PAPSS1: variants seen among roughly 807,000 people sequenced by gnomAD.
The protein encoded by PAPSS1 is bifunctional 3'-phosphoadenosine 5'-phosphosulfate synthase 1.
Under a neutral mutation model 72.0 loss-of-function variants are expected in PAPSS1, and 50 were observed. The ratio of observed to expected loss-of-function variants is 0.69; its 90% CI spans 0.55 to 0.88. The LOEUF is 0.88. PAPSS1 is among the 40% of genes least tolerant of loss of function. PAPSS1 has a pLI of 0.00. For synonymous variants in PAPSS1, 261 were observed against 263.6 expected, an observed-to-expected ratio of 0.99 and a Z score of 0.09; for missense variants, 657 against 782.2, an observed-to-expected ratio of 0.84 and a Z score of 1.91.
chr4:107,694,237 T>C (rs1433139079), intron 2 of PAPSS1: 1 of 479,092 alleles, frequency 2.1e-6, no homozygotes, highest in Non-Finnish European at 3.7e-6. Flanking sequence ...ATTTTATTAT[T>C]TGTAGAGACA....
intron 9 of PAPSS1, 46 bp from the exon 10 acceptor site, chr4:107,645,116 A>C (rs564577557): frequency 7.2e-7 from 1 of 1,384,842 alleles, no homozygotes; most frequent in Non-Finnish European, 9.4e-7. Context: ...TTTCTAACAG[A>C]TTACTTTCCA....
At chr4:107,660,106 G>T in intron 5 of PAPSS1, 34 bp from the exon 6 acceptor site, 2 of 1,111,812 alleles carry the variant, frequency 1.8e-6, no homozygotes, top group Non-Finnish European at 2.6e-6. Context: ...TTAAATGTTT[G>T]ATTCAAGAAT....
intron 10 of PAPSS1, 111 bp downstream of exon 10, chr4:107,644,691 T>C: frequency 9.2e-6 from 9 of 977,862 alleles, no homozygotes; most frequent in Non-Finnish European, 1.3e-5. Context: ...GTATAACAAA[T>C]GTTTGGAACA....
intron 11 of PAPSS1, among the ~76,000 whole-genome samples, chr4:107,631,328 A>G (rs536628829): frequency 7.9e-4 from 121 of 152,356 alleles, no homozygotes; most frequent in African/African-American, 2.8e-3. Context: ...ACCAGAGTAA[A>G]CATCACTAAG....
rs755256155 is a variant in PAPSS1, at chr4:107,682,015, C to T, written c.669G>A (p.Arg223=). 2.0e-6 allele frequency: 3 copies of T among 1,473,576 alleles called. No homozygotes were observed. Among genetic ancestry groups the T allele is most frequent in the South Asian group, 1.2e-5 (1 of 85,530 alleles). The allele number at this position is 1,473,576 out of a possible 1,614,324, so 91.3% of individuals were successfully genotyped here. The change falls in exon 5 of 12, where the codon CGG becomes CGA. Residue 223 remains arginine (R), a splice_region_variant and synonymous_variant. Transcript: ENST00000265174. ...VQQVVELLQE[R]DIVPVDASYE... is the part of the protein sequence containing the mutation. ...GATTCCTTCTTTCATCCTCTCTTACCCGTTCCTGTAGAAGTTCCACAACTT... is the reference window on the plus strand; with the variant it reads ...GATTCCTTCTTTCATCCTCTCTTACTCGTTCCTGTAGAAGTTCCACAACTT...
chr4:107,679,026 G>T (rs1727733552), intron 5 of PAPSS1, among the ~76,000 whole-genome samples: 1 of 152,086 alleles, frequency 6.6e-6, no homozygotes, highest in Non-Finnish European at 1.5e-5. Context: ...ACATGCTAAT[G>T]CATGTGAGGA....
At chr4:107,707,537 C>T (rs1723370127) in intron 1 of PAPSS1, among the ~76,000 whole-genome samples, 1 of 152,112 alleles carries the variant, frequency 6.6e-6, no homozygotes, top group Non-Finnish European at 1.5e-5. Flanking sequence ...TGAGGTGGGC[C>T]TGGTGTTGGG....
chr4:107,667,611 C>T (rs1222657166), intron 5 of PAPSS1, among the ~76,000 whole-genome samples: 1 of 152,070 alleles, frequency 6.6e-6, no homozygotes, highest in Non-Finnish European at 1.5e-5. Context: ...AAACAAAAAA[C>T]TGGTTATTGT....
intron 1 of PAPSS1, among the ~76,000 whole-genome samples, chr4:107,704,644 A>G (rs913531861): frequency 6.6e-6 from 1 of 152,198 alleles, no homozygotes; most frequent in Non-Finnish European, 1.5e-5. Flanking sequence ...AGTGTGGTGC[A>G]TCACCTTTAT....
At chr4:107,627,133 G>A (rs889867040) in intron 11 of PAPSS1, among the ~76,000 whole-genome samples, 2 of 152,144 alleles carry the variant, frequency 1.3e-5, no homozygotes, top group Admixed American at 1.3e-4. Flanking sequence ...TGGGGTTTAG[G>A]GTCCTGCGTG....
rs1257482943 is a variant in PAPSS1 at position 107,654,310 on chromosome 4, TTC to T, written c.1101+383_1101+384del. On this transcript the variant is annotated intron_variant, in intron 8 of 11. Coordinates refer to ENST00000265174, the MANE Select transcript of PAPSS1 (RefSeq NM_005443.5). The stretch of plus-strand genomic sequence containing the variant: ...TGAAGAGAAATTATATTTCACTGCT[TTC>T]ACATCAAACCACCCTGGTGAGGGCT... 2.0e-5 allele frequency among the ~76,000 whole-genome samples: 3 copies of T among 152,200 alleles called. 1 individual carries two copies. Among genetic ancestry groups the T allele is most frequent in the Admixed American group, 2.0e-4 (3 of 15,268 alleles).
intron 2 of PAPSS1, among the ~76,000 whole-genome samples, chr4:107,695,206 A>C (rs1308500877): frequency 6.6e-6 from 1 of 152,158 alleles, no homozygotes; most frequent in Non-Finnish European, 1.5e-5. Context: ...GAGGTCCTTC[A>C]CGTCCCTTGC....
chr4:107,643,080 C>T (rs1390667001), intron 10 of PAPSS1, among the ~76,000 whole-genome samples: 1 of 152,138 alleles, frequency 6.6e-6, no homozygotes, highest in African/African-American at 2.4e-5. Flanking sequence ...CACACAGCAC[C>T]AAGAATGAAC....
At chr4:107,674,296 G>A (rs1345126711) in intron 5 of PAPSS1, among the ~76,000 whole-genome samples, 4 of 152,084 alleles carry the variant, frequency 2.6e-5, no homozygotes, top group Non-Finnish European at 4.4e-5. Context: ...CCCATCTCAC[G>A]TGCAGAGACA....
intron 1 of PAPSS1, among the ~76,000 whole-genome samples, chr4:107,708,168 A>G (rs1285954971): frequency 1.3e-5 from 2 of 152,248 alleles, no homozygotes; most frequent in Non-Finnish European, 2.9e-5. Flanking sequence ...CATATTTAAT[A>G]ATCACTTACA....
chr4:107,714,011 G>T (rs1344800541), intron 1 of PAPSS1, among the ~76,000 whole-genome samples: 1 of 152,058 alleles, frequency 6.6e-6, no homozygotes, highest in Non-Finnish European at 1.5e-5. Flanking sequence ...TTCTCTCCTT[G>T]ATCAAACTAG....
At chr4:107,697,156 C>G (rs1381688224) in intron 2 of PAPSS1, among the ~76,000 whole-genome samples, 1 of 152,234 alleles carries the variant, frequency 6.6e-6, no homozygotes, top group Admixed American at 6.5e-5. Flanking sequence ...AAGCTCCCAG[C>G]TGACAACCAG....
At chr4:107,645,463 A>G (rs1036613179) in intron 9 of PAPSS1, among the ~76,000 whole-genome samples, 2 of 152,208 alleles carry the variant, frequency 1.3e-5, no homozygotes, top group Non-Finnish European at 2.9e-5. Context: ...CAATCCCTCC[A>G]AACGACCTAA....
At chr4:107,644,733 G>A (rs1578394436) in intron 10 of PAPSS1, 69 bp downstream of exon 10, 1 of 1,432,042 alleles carries the variant, frequency 7.0e-7, no homozygotes, top group Non-Finnish European at 9.4e-7. Context: ...GCAATCGGAT[G>A]GTGACACTAG....
Sources: gnomAD v4.1 joint callset for allele counts (sites outside exome capture counted in the v4.1 genomes callset) on GRCh38, gnomAD v4.1.1 for gene constraint, MANE v1.5 for transcripts, NCBI Gene and HGNC (gene_info 2026-07-23, HGNC 2026-07-21) for gene names.